The following BICD1 variants were observed in gnomAD, a reference collection of about 807,000 sequenced individuals.
BICD1 encodes BICD cargo adaptor 1.
In BICD1, 35 loss-of-function variants were observed where a neutral mutation model predicts 92.5. The ratio of observed to expected loss-of-function variants is 0.38; its 90% CI spans 0.29 to 0.50. The LOEUF is 0.50. Ranked by LOEUF, BICD1 falls within the 20% of genes least tolerant of loss-of-function variation. BICD1 has a pLI of 0.93. For missense variants in BICD1, 950 were observed against 1,189.8 expected (o/e 0.80, Z 2.97); for synonymous variants, 429 against 465.1 (o/e 0.92, Z 1.00).
intron 4 of BICD1, among the ~76,000 whole-genome samples, chr12:32,311,608 G>T (rs149458029): frequency 2.5e-4 from 38 of 152,330 alleles, no homozygotes; most frequent in African/African-American, 7.9e-4. Context: ...GTTGACAATT[G>T]GTTGAGTTTG....
chr12:32,323,168 A>AAATT (rs1269889478), intron 4 of BICD1, among the ~76,000 whole-genome samples: 1 of 152,234 alleles, frequency 6.6e-6, no homozygotes, highest in Non-Finnish European at 1.5e-5. Context: ...CTGGGTAAGC[A>AAATT]AATTCATCAT....
intron 1 of BICD1, among the ~76,000 whole-genome samples, chr12:32,187,816 C>T (rs891601279): frequency 4.6e-5 from 7 of 152,242 alleles, no homozygotes; most frequent in African/African-American, 1.7e-4. Context: ...ACCCAAACCT[C>T]CCACATCACA....
chr12:32,301,336 T>A (rs922877919), intron 3 of BICD1, among the ~76,000 whole-genome samples: 1 of 152,022 alleles, frequency 6.6e-6, no homozygotes, highest in Non-Finnish European at 1.5e-5. Flanking sequence ...AGTCAGCAAG[T>A]ATAAAGGAAA....
intron 3 of BICD1, among the ~76,000 whole-genome samples, chr12:32,304,906 G>A (rs1948171027): frequency 6.6e-6 from 1 of 152,132 alleles, no homozygotes; most frequent in South Asian, 2.1e-4. Context: ...GCACATGCCT[G>A]TGATACTTGA....
rs978222673 is a variant in BICD1 at position 32,377,785 on chromosome 12, G to A, written c.*158G>A. 1.4e-5 allele frequency: 9 copies of A among 644,958 alleles called. No homozygotes were observed. The highest frequency in any genetic ancestry group is 1.8e-5 in the African/African-American group (1 of 55,150). 40.0% of individuals were successfully genotyped at this position (644,958 alleles called of 1,614,324 possible). ...GACGAGAGAAAGTTGAGAAGAACAC[G>A]AAGCACAGACCCTGATGTGATAAAA... On this transcript the variant is annotated 3_prime_UTR_variant, in exon 10 of 10. Coordinates refer to ENST00000652176, the MANE Select transcript of BICD1 (RefSeq NM_001714.4).
chr12:32,342,956 C>G (rs145341622), intron 8 of BICD1, among the ~76,000 whole-genome samples: 1 of 152,148 alleles, frequency 6.6e-6, no homozygotes, highest in African/African-American at 2.4e-5. Flanking sequence ...TTAGTACAAC[C>G]TTTTAAGGGA....
intron 1 of BICD1, among the ~76,000 whole-genome samples, chr12:32,148,903 C>T (rs913056671): frequency 3.3e-5 from 5 of 151,814 alleles, no homozygotes; most frequent in African/African-American, 1.2e-4. Context: ...ACCTGTATTC[C>T]CAGCTCCTCA....
chr12:32,298,196 G>A (rs747792327), intron 3 of BICD1, among the ~76,000 whole-genome samples: 5 of 104,844 alleles, frequency 4.8e-5, no homozygotes, highest in African/African-American at 1.4e-4. Context: ...AAAAAAAAAT[G>A]GGAAAAAAAA....
chr12:32,216,868 A>G (rs977336130), intron 2 of BICD1, among the ~76,000 whole-genome samples: 1 of 152,172 alleles, frequency 6.6e-6, no homozygotes, highest in African/African-American at 2.4e-5. Flanking sequence ...CACTGCTCAT[A>G]GGGAATGACA....
intron 1 of BICD1, among the ~76,000 whole-genome samples, chr12:32,148,790 T>G (rs1592376492): frequency 6.6e-6 from 1 of 151,946 alleles, no homozygotes; most frequent in African/African-American, 2.4e-5. Flanking sequence ...GAGGCTGAGG[T>G]GGGAGAAACA....
At chr12:32,147,671 A>C (rs1026037422) in intron 1 of BICD1, among the ~76,000 whole-genome samples, 1 of 152,216 alleles carries the variant, frequency 6.6e-6, no homozygotes, top group Non-Finnish European at 1.5e-5. Flanking sequence ...ACAATAATTT[A>C]GTTAATGTGG....
At chr12:32,358,392 C>T (rs1273471820) in intron 8 of BICD1, among the ~76,000 whole-genome samples, 5 of 151,610 alleles carry the variant, frequency 3.3e-5, no homozygotes, top group South Asian at 2.1e-4. Context: ...TGAGCCACTG[C>T]GCCTGGACTC....
intron 2 of BICD1, among the ~76,000 whole-genome samples, chr12:32,273,020 G>A (rs913958270): frequency 6.6e-6 from 1 of 152,206 alleles, no homozygotes; most frequent in African/African-American, 2.4e-5. Flanking sequence ...GCTCTGGAGT[G>A]TGTGAAGAAG....
intron 4 of BICD1, among the ~76,000 whole-genome samples, chr12:32,317,174 C>T (rs1421546882): frequency 6.6e-6 from 1 of 152,130 alleles, no homozygotes. Flanking sequence ...CATACGTGTG[C>T]ATGTGTCTTT....
chr12:32,256,429 A>T lies in BICD1; in HGVS notation c.427-37565A>T, dbSNP rs2136117399. ...GATTATCATCCCCACTTTGGGTCAG[A>T]TCATAAAACCGAACCTTAAGGAGGT... On this transcript the variant is annotated intron_variant, in intron 2 of 9. Coordinates refer to ENST00000652176, the MANE Select transcript of BICD1 (RefSeq NM_001714.4). Among the ~76,000 whole-genome samples the T allele has an allele frequency of 2.0e-5, 3 of 152,302 alleles. No homozygotes were observed. The South Asian group carries it at 6.2e-4, about 32-fold the overall frequency.
chr12:32,177,831 CA>C (rs1944161906), intron 1 of BICD1, among the ~76,000 whole-genome samples: 2 of 124,956 alleles, frequency 1.6e-5, no homozygotes, highest in Admixed American at 1.6e-4. Flanking sequence ...ATATTTATTG[CA>C]AAAACTTTTT....
chr12:32,233,572 T>C (rs573179092), intron 2 of BICD1, among the ~76,000 whole-genome samples: 1 of 148,536 alleles, frequency 6.7e-6, no homozygotes, highest in East Asian at 2.1e-4. Flanking sequence ...CCCTCCCCTT[T>C]CCTATCTTCT....
intron 2 of BICD1, among the ~76,000 whole-genome samples, chr12:32,259,863 G>A (rs1946810053): frequency 6.6e-6 from 1 of 151,946 alleles, no homozygotes; most frequent in Non-Finnish European, 1.5e-5. Context: ...ATTACTGTAG[G>A]ATAGAGAAAA....
chr12:32,267,208 A>G (rs551542038), intron 2 of BICD1, among the ~76,000 whole-genome samples: 32 of 152,352 alleles, frequency 2.1e-4, no homozygotes, highest in South Asian at 4.1e-4. Context: ...TTTCCTAGAC[A>G]TCTTATCCCT....
Sources: allele counts gnomAD v4.1 joint callset (sites outside exome capture counted in the v4.1 genomes callset), GRCh38; gene constraint gnomAD v4.1.1; transcripts MANE v1.5; gene names NCBI Gene and HGNC (gene_info 2026-07-23, HGNC 2026-07-21).